The following MRPS27 variants were observed in gnomAD, a reference collection of about 807,000 sequenced individuals.
MRPS27 encodes the protein mitochondrial ribosomal protein S27, also known as small ribosomal subunit protein mS27.
A neutral mutation model predicts 48.9 loss-of-function variants in MRPS27; 43 were observed. That is an observed-to-expected ratio of 0.88 (90% CI 0.69 to 1.13). MRPS27 has a LOEUF of 1.13. MRPS27 is among the 50% of genes most tolerant of loss of function. The probability of loss-of-function intolerance (pLI) is 0.00; values close to 1 mark genes in which losing one functional copy is unlikely to be tolerated. For missense variants in MRPS27, 467 were observed against 476.3 expected (o/e 0.98, Z 0.18); for synonymous variants, 188 against 171.9 (o/e 1.09, Z -0.73).
intron 4 of MRPS27, among the ~76,000 whole-genome samples, chr5:72,246,772 T>A (rs1214683120): frequency 6.6e-6 from 1 of 152,204 alleles, no homozygotes; most frequent in Non-Finnish European, 1.5e-5. Context: ...AGGAGGAATC[T>A]TGATGTATAT....
At chr5:72,270,635 G>A (rs1223750060) in intron 4 of MRPS27, among the ~76,000 whole-genome samples, 2 of 152,032 alleles carry the variant, frequency 1.3e-5, no homozygotes. Context: ...AATAAAGAAG[G>A]GAACATTTCC....
chr5:72,240,654 G>A (rs968043319), intron 4 of MRPS27, among the ~76,000 whole-genome samples: 1 of 151,976 alleles, frequency 6.6e-6, no homozygotes, highest in Admixed American at 6.6e-5. Flanking sequence ...CCACTTTTAG[G>A]CTTTGAAAAA....
intron 4 of MRPS27, among the ~76,000 whole-genome samples, chr5:72,262,894 C>T (rs1388227396): frequency 2.6e-5 from 4 of 152,106 alleles, no homozygotes. Context: ...CCTTGGCCTC[C>T]CAAAGTCCTG....
At chr5:72,263,586 GCAAA>G (rs1749037071) in intron 4 of MRPS27, among the ~76,000 whole-genome samples, 1 of 150,174 alleles carries the variant, frequency 6.7e-6, no homozygotes, top group East Asian at 1.9e-4. Context: ...TTAATAAATG[GCAAA>G]GTACTTTAAG....
intron 4 of MRPS27, among the ~76,000 whole-genome samples, chr5:72,282,729 A>G (rs111642176): frequency 0.019 from 2,934 of 152,314 alleles, 37 homozygotes; most frequent in Middle Eastern, 0.037. Context: ...AGGCAAGTAC[A>G]TATGTATAAA....
chr5:72,307,880 T>C (rs1051446928), intron 2 of MRPS27: 3 of 152,228 alleles, frequency 2.0e-5, no homozygotes, highest in African/African-American at 7.2e-5. Flanking sequence ...AAAAGTATTT[T>C]AAAGAAGAAA....
chr5:72,239,700 C>G (rs1748300759), intron 4 of MRPS27, among the ~76,000 whole-genome samples: 1 of 151,952 alleles, frequency 6.6e-6, no homozygotes, highest in Non-Finnish European at 1.5e-5. Context: ...TTTTTTGAGA[C>G]AGGGTCTCAC....
intron 4 of MRPS27, among the ~76,000 whole-genome samples, chr5:72,274,152 G>A (rs540328678): frequency 6.6e-6 from 1 of 152,182 alleles, no homozygotes; most frequent in South Asian, 2.1e-4. Flanking sequence ...TCAGGAGTTC[G>A]AGACCAGTCT....
intron 1 of MRPS27, chr5:72,319,934 C>G: frequency 1.7e-6 from 1 of 602,258 alleles, no homozygotes; most frequent in Non-Finnish European, 3.0e-6. Flanking sequence ...ATATAACCTT[C>G]CACTGCTCTT....
chr5:72,249,017 A>C (rs1748585305), intron 4 of MRPS27, among the ~76,000 whole-genome samples: 1 of 152,250 alleles, frequency 6.6e-6, no homozygotes, highest in South Asian at 2.1e-4. Flanking sequence ...GTGCACATTA[A>C]GCAGAATTTC....
intron 7 of MRPS27, among the ~76,000 whole-genome samples, chr5:72,231,229 C>A (rs976644618): frequency 2.6e-5 from 4 of 152,130 alleles, no homozygotes; most frequent in African/African-American, 9.7e-5. Context: ...TCTTCCAGCC[C>A]ATTTCTGCTC....
intron 7 of MRPS27, among the ~76,000 whole-genome samples, chr5:72,229,765 G>A (rs568202392): frequency 6.6e-6 from 1 of 152,306 alleles, no homozygotes; most frequent in Non-Finnish European, 1.5e-5. Flanking sequence ...ACAAACCAAT[G>A]ACTGTCTTAG....
chr5:72,228,172 T>C, intron 8 of MRPS27, 94 bp downstream of exon 8: 1 of 1,141,888 alleles, frequency 8.8e-7, no homozygotes, highest in Non-Finnish European at 1.3e-6. Context: ...ATTTCACTGG[T>C]AAATTTAAAT....
At chr5:72,263,547 GAACTCTTAAC>G (rs962188846) in intron 4 of MRPS27, among the ~76,000 whole-genome samples, 2 of 148,506 alleles carry the variant, frequency 1.3e-5, no homozygotes, top group African/African-American at 5.0e-5. Flanking sequence ...AATATATAAG[GAACTCTTAAC>G]AACAAAAAGA....
intron 4 of MRPS27, among the ~76,000 whole-genome samples, chr5:72,248,669 T>TAAAAAAA (rs36063387): frequency 4.3e-5 from 3 of 70,282 alleles, no homozygotes; most frequent in Admixed American, 1.8e-4. Flanking sequence ...CATTTTCATT[T>TAAAAAAA]AAAAAAAAAA....
At chr5:72,264,365 ATGGTTAAT>A (rs1749056557) in intron 4 of MRPS27, among the ~76,000 whole-genome samples, 2 of 152,180 alleles carry the variant, frequency 1.3e-5, no homozygotes, top group Non-Finnish European at 2.9e-5. Flanking sequence ...TGTTCATTTT[ATGGTTAAT>A]TTACTGAATT....
chr5:72,276,988 G>A (rs910567760), intron 4 of MRPS27, among the ~76,000 whole-genome samples: 56 of 151,946 alleles, frequency 3.7e-4, no homozygotes, highest in African/African-American at 1.2e-3. Flanking sequence ...CTGAGATCAC[G>A]CCACTGCATT....
At chr5:72,242,566 C>T (rs1311820158) in intron 4 of MRPS27, among the ~76,000 whole-genome samples, 1 of 151,176 alleles carries the variant, frequency 6.6e-6, no homozygotes, top group Admixed American at 6.6e-5. Context: ...GGCACAGTAG[C>T]TCATGCCTGT....
At chr5:72,248,343 G>A (rs1748561692) in intron 4 of MRPS27, among the ~76,000 whole-genome samples, 1 of 152,132 alleles carries the variant, frequency 6.6e-6, no homozygotes, top group South Asian at 2.1e-4. Flanking sequence ...ATATGAAAGA[G>A]CTGTTTCTTT....
Sources: allele counts gnomAD v4.1 joint callset (sites outside exome capture counted in the v4.1 genomes callset), GRCh38; gene constraint gnomAD v4.1.1; transcripts MANE v1.5; gene names NCBI Gene and HGNC (gene_info 2026-07-23, HGNC 2026-07-21).